The following KANK1 variants were observed in gnomAD, a reference collection of about 807,000 sequenced individuals.
KANK1 encodes the protein KN motif and ankyrin repeat domains 1.
KANK1 carries 109 observed loss-of-function variants against 106.2 expected under a neutral mutation model. The ratio of observed to expected loss-of-function variants is 1.03; its 90% CI spans 0.88 to 1.20. The LOEUF (loss-of-function observed/expected upper bound fraction) is 1.20. KANK1 is among the 50% of genes most tolerant of loss of function. The pLI is 0.00. For missense variants in KANK1, 2,399 were observed against 1,710.7 expected, an observed-to-expected ratio of 1.40 and a Z score of -7.10; for synonymous variants, 873 against 652.2, an observed-to-expected ratio of 1.34 and a Z score of -5.16.
intron 6 of KANK1, 25 bp from the exon 7 acceptor site, chr9:734,723 C>A (rs368502606): frequency 6.0e-6 from 9 of 1,502,890 alleles, no homozygotes; most frequent in African/African-American, 1.4e-5. Context: ...TGTGACCAAT[C>A]GTAACTTGTT....
chr9:731,360 C>A lies in KANK1; in HGVS notation c.3005+94C>A, dbSNP rs973312295. The A allele has an allele frequency of 1.3e-5, 9 of 687,454 alleles. No individual in the cohort carries two copies. In the African/African-American group the frequency reaches 1.6e-4, roughly 13 times the overall value. 42.6% of individuals were successfully genotyped at this position (687,454 alleles called of 1,614,324 possible). The stretch of plus-strand genomic sequence containing the variant: ...TCAAGGCGCCTAGTCGGGGAAGCGG[C>A]CACAGCGCAGTGATGAAAGATTCCC... On this transcript the variant is annotated intron_variant, in intron 5 of 11. Coordinates refer to ENST00000382297, the MANE Select transcript of KANK1 (RefSeq NM_015158.5).
intron 1 of KANK1, among the ~76,000 whole-genome samples, chr9:510,844 G>A (rs2058998439): frequency 6.6e-6 from 1 of 152,156 alleles, no homozygotes; most frequent in South Asian, 2.1e-4. Flanking sequence ...CCTAATTATA[G>A]ATCTTAACTC....
At chr9:617,342 G>A (rs778707786) in intron 1 of KANK1, among the ~76,000 whole-genome samples, 26 of 152,236 alleles carry the variant, frequency 1.7e-4, no homozygotes, top group South Asian at 4.1e-4. Flanking sequence ...AATGGAATTG[G>A]TTAGGAGAAG....
intron 2 of KANK1, among the ~76,000 whole-genome samples, chr9:472,062 G>T (rs566644690): frequency 6.6e-6 from 1 of 152,084 alleles, no homozygotes. Context: ...ATCCCCATAC[G>T]CCAAAACACT....
chr9:559,671 A>T (rs1049001412), intron 1 of KANK1, among the ~76,000 whole-genome samples: 1 of 152,240 alleles, frequency 6.6e-6, no homozygotes, highest in Non-Finnish European at 1.5e-5. Context: ...CGGAAAAGAC[A>T]AACAGATATT....
At chr9:629,899 T>C (rs116861032) in intron 1 of KANK1, among the ~76,000 whole-genome samples, 271 of 152,344 alleles carry the variant, frequency 1.8e-3, no homozygotes, top group Non-Finnish European at 1.9e-3. Context: ...CTACGCACTT[T>C]GTTCATCTAT....
At chr9:530,580 T>C (rs1587552212) in intron 1 of KANK1, among the ~76,000 whole-genome samples, 1 of 152,180 alleles carries the variant, frequency 6.6e-6, no homozygotes, top group African/African-American at 2.4e-5. Flanking sequence ...GCTATTCATG[T>C]TTTAGTTGTG....
intron 1 of KANK1, among the ~76,000 whole-genome samples, chr9:601,312 C>A (rs75653922): frequency 0.032 from 4,930 of 151,782 alleles, 361 homozygotes; most frequent in African/African-American, 0.11. Context: ...GCATTCTATC[C>A]AGTTTTCCGC....
chr9:644,080 C>T (rs890021622), intron 1 of KANK1, among the ~76,000 whole-genome samples: 8 of 150,906 alleles, frequency 5.3e-5, no homozygotes, highest in Admixed American at 3.9e-4. Flanking sequence ...TTTGTTCTTA[C>T]CAATGCAGTG....
intron 1 of KANK1, among the ~76,000 whole-genome samples, chr9:523,786 C>T (rs1399460046): frequency 2.0e-5 from 3 of 150,510 alleles, no homozygotes; most frequent in Non-Finnish European, 4.4e-5. Flanking sequence ...TCTCCTGGCA[C>T]TCCAGGTCTC....
chr9:632,321 C>T (rs1174981736), intron 1 of KANK1, among the ~76,000 whole-genome samples: 1 of 151,982 alleles, frequency 6.6e-6, no homozygotes, highest in African/African-American at 2.4e-5. Context: ...TTATTTGTCT[C>T]AATAATTGAG....
At chr9:664,487 G>C (rs1375640423) in intron 1 of KANK1, among the ~76,000 whole-genome samples, 2 of 152,082 alleles carry the variant, frequency 1.3e-5, no homozygotes, top group South Asian at 2.1e-4. Flanking sequence ...TGTAGAGACA[G>C]AGTCCTGCTA....
At chr9:693,892 T>G (rs948327381) in intron 2 of KANK1, 11 of 882,016 alleles carry the variant, frequency 1.2e-5, no homozygotes, top group African/African-American at 1.8e-5. Context: ...AAAGATTTGC[T>G]TTTACTTCAA....
intron 1 of KANK1, among the ~76,000 whole-genome samples, chr9:627,815 T>C (rs1307449768): frequency 1.3e-5 from 2 of 152,192 alleles, no homozygotes; most frequent in East Asian, 3.8e-4. Context: ...TTTTCAGCAA[T>C]AGTGATAACC....
intron 2 of KANK1, chr9:684,470 G>C (rs1310877213): frequency 1.4e-5 from 14 of 985,318 alleles, no homozygotes; most frequent in Non-Finnish European, 1.2e-6. Context: ...TCGAGCTGTT[G>C]CTATTATTCT....
chr9:671,846 G>A (rs973220598), intron 1 of KANK1, among the ~76,000 whole-genome samples: 1 of 151,902 alleles, frequency 6.6e-6, no homozygotes, highest in African/African-American at 2.4e-5. Context: ...TGCTTGGGAG[G>A]CTGAGGCAGG....
intron 3 of KANK1, among the ~76,000 whole-genome samples, chr9:727,443 G>GGCACTGGATTACAGCTCTGGATTA (rs757341167): frequency 1.7e-3 from 256 of 151,954 alleles, no homozygotes; most frequent in Middle Eastern, 6.8e-3. Flanking sequence ...AGCCTCCCGA[G>GGCACTGGATTACAGCTCTGGATTA]CAGCTCTGGA....
chr9:572,910 G>C (rs2134930328), intron 1 of KANK1, among the ~76,000 whole-genome samples: 1 of 152,224 alleles, frequency 6.6e-6, no homozygotes, highest in South Asian at 2.1e-4. Context: ...GATCCATTTA[G>C]GACTTGCCTT....
chr9:508,615 T>C (rs562320207), intron 1 of KANK1, among the ~76,000 whole-genome samples: 1 of 151,900 alleles, frequency 6.6e-6, no homozygotes, highest in East Asian at 1.9e-4. Flanking sequence ...GGATTAGTTT[T>C]ATCTGTTTTC....
Sources: allele counts gnomAD v4.1 joint callset (sites outside exome capture counted in the v4.1 genomes callset), GRCh38; gene constraint gnomAD v4.1.1; transcripts MANE v1.5; gene names NCBI Gene and HGNC (gene_info 2026-07-23, HGNC 2026-07-21).